The following ADAMTSL1 variants were observed in gnomAD, a reference collection of about 807,000 sequenced individuals.
ADAMTSL1 encodes the protein ADAMTS-like protein 1.
A neutral mutation model predicts 201.8 loss-of-function variants in ADAMTSL1; 126 were observed. The ratio of observed to expected loss-of-function variants is 0.62; its 90% CI spans 0.54 to 0.72. The LOEUF (loss-of-function observed/expected upper bound fraction) is 0.72, where lower values mean the gene tolerates loss of function less well. Ranked by LOEUF, ADAMTSL1 falls within the 30% of genes least tolerant of loss-of-function variation. ADAMTSL1 has a pLI of 0.00. For missense variants in ADAMTSL1, 2,679 were observed against 2,277.8 expected (o/e 1.18, Z -3.59); for synonymous variants, 1,121 against 903.4 (o/e 1.24, Z -4.32).
rs201559281 is a variant in ADAMTSL1, at chr9:18,288,390, A to AT, written c.207+124417dup. 4.2e-3 allele frequency among the ~76,000 whole-genome samples: 643 copies of AT among 151,978 alleles called. 9 individuals carry two copies. Among genetic ancestry groups the AT allele is most frequent in the East Asian group, 0.019 (98 of 5,160 alleles). On this transcript the variant is annotated intron_variant, in intron 2 of 29. Coordinates refer to the ADAMTSL1 transcript ENST00000680146. ...TTGCTTGTTTGCTTAGGTATTTGTTATTTTTTTTGTTCTTTAAATGTAGCA... is the reference window on the plus strand; with the variant it reads ...TTGCTTGTTTGCTTAGGTATTTGTTATTTTTTTTTGTTCTTTAAATGTAGCA...
intron 3 of ADAMTSL1, among the ~76,000 whole-genome samples, chr9:18,545,723 G>C (rs10810986): frequency 6.6e-6 from 1 of 151,922 alleles, no homozygotes; most frequent in East Asian, 1.9e-4. Context: ...TCATAAAAAG[G>C]ATGCTGGCCT....
At chr9:18,883,320 A>G (rs1257055520) in intron 23 of ADAMTSL1, among the ~76,000 whole-genome samples, 1 of 152,184 alleles carries the variant, frequency 6.6e-6, no homozygotes, top group Non-Finnish European at 1.5e-5. Context: ...CAGTCCCGGC[A>G]TGACTTTCTA....
chr9:18,437,587 G>C (rs116975425), intron 2 of ADAMTSL1, among the ~76,000 whole-genome samples: 1,769 of 151,966 alleles, frequency 0.012, 20 homozygotes, highest in Non-Finnish European at 0.018. Context: ...AATTCTTTTT[G>C]AACTTGCTTC....
At chr9:18,472,694 G>A (rs1023279553), upstream of ADAMTSL1, among the ~76,000 whole-genome samples, 5 of 152,072 alleles carry the variant, frequency 3.3e-5, no homozygotes, top group Admixed American at 1.3e-4. Context: ...TTCCATATTC[G>A]TGTGTTTCAT....
At chr9:18,142,566 T>C (rs1362760549) in intron 1 of ADAMTSL1, among the ~76,000 whole-genome samples, 1 of 152,208 alleles carries the variant, frequency 6.6e-6, no homozygotes, top group Non-Finnish European at 1.5e-5. Context: ...GAACAACTTA[T>C]GAAGCAGGTG....
chr9:18,816,127 C>T (rs1343834552), intron 20 of ADAMTSL1, among the ~76,000 whole-genome samples: 4 of 152,186 alleles, frequency 2.6e-5, no homozygotes, highest in Non-Finnish European at 5.9e-5. Context: ...ACCAATCTCT[C>T]GCTATCTTCC....
At chr9:18,628,020 G>A (rs10810996) in intron 5 of ADAMTSL1, among the ~76,000 whole-genome samples, 21,310 of 152,058 alleles carry the variant, frequency 0.14, 1,643 homozygotes, top group Admixed American at 0.21. Flanking sequence ...TATTTGAATT[G>A]GAAATATTTT....
At chr9:18,521,675 G>A (rs1169071292) in intron 2 of ADAMTSL1, among the ~76,000 whole-genome samples, 2 of 151,906 alleles carry the variant, frequency 1.3e-5, no homozygotes, top group Non-Finnish European at 2.9e-5. Context: ...TCCTCTTGTT[G>A]GGAGCAAGCC....
chr9:17,970,531 T>G (rs1818165668), intron 1 of ADAMTSL1, among the ~76,000 whole-genome samples: 1 of 152,016 alleles, frequency 6.6e-6, no homozygotes, highest in Non-Finnish European at 1.5e-5. Context: ...ACTTGATGCT[T>G]CAGTGACTCT....
At chr9:18,501,512 A>C (rs1209678469) in intron 1 of ADAMTSL1, among the ~76,000 whole-genome samples, 1 of 151,786 alleles carries the variant, frequency 6.6e-6, no homozygotes, top group Non-Finnish European at 1.5e-5. Context: ...TCAAAAAAAA[A>C]AAAAAAAAAA....
Position 18,041,333 on chromosome 9 carries a change from T to G in ADAMTSL1, c.88-122529T>G, listed in dbSNP as rs145083318. On this transcript the variant is annotated intron_variant, in intron 1 of 29. Transcript: ENST00000680146. ...ATGTGTTAGTTGTATTAGAAGAGTT[T>G]TATAAATATTTAATGGTGCTAGTTT... Among the ~76,000 whole-genome samples, 598 of 152,324 alleles carry G rather than the reference T, an allele frequency of 3.9e-3. 3 individuals carry two copies. The highest frequency in any genetic ancestry group is 0.013 in the African/African-American group (552 of 41,572).
chr9:18,743,167 A>G (rs753604431), intron 15 of ADAMTSL1, among the ~76,000 whole-genome samples: 4 of 152,206 alleles, frequency 2.6e-5, no homozygotes, highest in Admixed American at 6.5e-5. Context: ...TAGAAGTTTT[A>G]ATTAAATCAA....
chr9:18,700,517 A>G (rs1735567058), intron 13 of ADAMTSL1, among the ~76,000 whole-genome samples: 1 of 152,194 alleles, frequency 6.6e-6, no homozygotes, highest in Non-Finnish European at 1.5e-5. Flanking sequence ...TGTGCAGCTT[A>G]GGTTTAGTTA....
chr9:18,351,680 A>G (rs753751292), intron 2 of ADAMTSL1, among the ~76,000 whole-genome samples: 26 of 152,218 alleles, frequency 1.7e-4, no homozygotes. Context: ...CTGCTCTTGC[A>G]ATGGGTACAC....
intron 9 of ADAMTSL1, among the ~76,000 whole-genome samples, chr9:18,663,936 C>T (rs1191859941): frequency 1.3e-5 from 2 of 152,042 alleles, no homozygotes; most frequent in Admixed American, 6.6e-5. Context: ...TCTGCCTGTG[C>T]AATTTATGCC....
intron 23 of ADAMTSL1, among the ~76,000 whole-genome samples, chr9:18,845,236 G>A (rs925287327): frequency 5.6e-4 from 85 of 152,308 alleles, no homozygotes; most frequent in Non-Finnish European, 3.5e-4. Context: ...GCCTCCTTCA[G>A]AGGAACTCCT....
chr9:18,200,934 G>C (rs1829419443), intron 2 of ADAMTSL1, among the ~76,000 whole-genome samples: 1 of 151,880 alleles, frequency 6.6e-6, no homozygotes, highest in South Asian at 2.1e-4. Context: ...GACTCATGTA[G>C]CTTGCATGGA....
At chr9:18,105,707 T>C (rs1380006614) in intron 1 of ADAMTSL1, among the ~76,000 whole-genome samples, 1 of 152,230 alleles carries the variant, frequency 6.6e-6, no homozygotes, top group Non-Finnish European at 1.5e-5. Flanking sequence ...ATGGCGAAGA[T>C]GTTGTAGAAA....
intron 16 of ADAMTSL1, among the ~76,000 whole-genome samples, chr9:18,769,010 A>G (rs1334731280): frequency 6.6e-6 from 1 of 152,214 alleles, no homozygotes; most frequent in Non-Finnish European, 1.5e-5. Flanking sequence ...GCCACATCCC[A>G]GAATATCTGA....
Sources: allele counts gnomAD v4.1 joint callset (sites outside exome capture counted in the v4.1 genomes callset), GRCh38; gene constraint gnomAD v4.1.1; transcripts MANE v1.5; gene names NCBI Gene and HGNC (gene_info 2026-07-23, HGNC 2026-07-21).